Variants in TCOF1 observed in about 807,000 individuals in gnomAD.
TCOF1 encodes treacle protein.
Under a neutral mutation model 149.0 loss-of-function variants are expected in TCOF1, and 33 were observed. That is an observed-to-expected ratio of 0.22 (90% confidence interval 0.17 to 0.30). The LOEUF (loss-of-function observed/expected upper bound fraction) is 0.30. TCOF1 is among the 10% of genes least tolerant of loss of function. The pLI is 1.00. For missense variants in TCOF1, 1,728 were observed against 1,840.7 expected (o/e 0.94, Z 1.12); for synonymous variants, 789 against 738.8 (o/e 1.07, Z -1.10).
At chr5:150,360,127 C>G (rs1759700560) in intron 1 of TCOF1, among the ~76,000 whole-genome samples, 2 of 152,214 alleles carry the variant, frequency 1.3e-5, no homozygotes, top group Non-Finnish European at 2.9e-5. Flanking sequence ...TGGGCACTGA[C>G]AGATGGTCTT....
chr5:150,388,590 A>G (rs1766752697), intron 18 of TCOF1, among the ~76,000 whole-genome samples: 2 of 152,200 alleles, frequency 1.3e-5, no homozygotes, highest in South Asian at 2.1e-4. Context: ...TAATGTTACT[A>G]TTACAGTTAT....
intron 17 of TCOF1, among the ~76,000 whole-genome samples, chr5:150,381,582 C>T (rs774078187): frequency 4.6e-5 from 7 of 152,236 alleles, no homozygotes; most frequent in Non-Finnish European, 8.8e-5. Context: ...CGTAGGCCCT[C>T]CCAGGTGCTT....
chr5:150,381,339 C>T (rs1443775782), intron 17 of TCOF1, among the ~76,000 whole-genome samples: 1 of 152,224 alleles, frequency 6.6e-6, no homozygotes, highest in Non-Finnish European at 1.5e-5. Context: ...GACATTGGCC[C>T]CACCCTCAAG....
At position 150,388,013 on chromosome 5, in the gene TCOF1, G is replaced by A; in HGVS notation, c.2971G>A (p.Glu991Lys). Residue 991 changes from glutamate (E) to lysine (K), a missense_variant, in exon 18 of 27, where the codon GAG becomes AAG. By Grantham distance (56) the Glu-to-Lys change is moderately conservative (BLOSUM62 1). Transcript: ENST00000643257. Reference sequence around the variant, plus strand: ...CACCCCGAGGAAGGCCCGAGCCTCGGAGAGCACAGCCAGGAGCTCCTCCTC... The same window carrying A: ...CACCCCGAGGAAGGCCCGAGCCTCGAAGAGCACAGCCAGGAGCTCCTCCTC... Reference protein sequence around the residue: ...ASTPRKARASESTARSSSSES... With the variant: ...ASTPRKARASKSTARSSSSES... 6.2e-7 allele frequency: 1 copy of A among 1,613,864 alleles called. No homozygotes were observed. The highest frequency in any genetic ancestry group is 1.3e-5 in the African/African-American group (1 of 75,042).
chr5:150,380,978 C>G lies in TCOF1; in HGVS notation c.2859+1246C>G, dbSNP rs1384761370. The G allele has an allele frequency of 3.3e-5, 5 of 152,306 alleles. No individual in the cohort carries two copies. The South Asian group carries it at 8.3e-4, about 25-fold the overall frequency. The allele number at this position is 152,306 out of a possible 1,614,324, so 9.4% of individuals were successfully genotyped here. A position where few individuals can be genotyped will look rare whatever the true frequency, so the allele number is the denominator to read the frequency against. On this transcript the variant is annotated intron_variant, in intron 17 of 26. Transcript: ENST00000643257. ...GAGCCAAGATCATGCCATTGCTTTGCACTCCAGTCTGGGCAACAGAGTGAG... is the reference window on the plus strand; with the variant it reads ...GAGCCAAGATCATGCCATTGCTTTGGACTCCAGTCTGGGCAACAGAGTGAG...
At chr5:150,397,559 G>A (rs1350166704) in intron 24 of TCOF1, among the ~76,000 whole-genome samples, 1 of 152,182 alleles carries the variant, frequency 6.6e-6, no homozygotes, top group Non-Finnish European at 1.5e-5. Context: ...TAGAGATGCT[G>A]TTCAGGGCCA....
intron 17 of TCOF1, chr5:150,383,197 A>G (rs1458333915): frequency 2.1e-5 from 32 of 1,521,596 alleles, no homozygotes; most frequent in Non-Finnish European, 2.7e-5. Context: ...CTCTCTGCAG[A>G]TGCTGCAGGA....
intron 3 of TCOF1, 164 bp from the exon 4 acceptor site, chr5:150,367,680 G>C (rs1157710258): frequency 1.4e-6 from 1 of 727,068 alleles, no homozygotes; most frequent in Non-Finnish European, 2.4e-6. Context: ...CCTGGCTGAT[G>C]CATCACAGAG....
intron 5 of TCOF1, 144 bp downstream of exon 5, chr5:150,369,046 C>G: frequency 9.0e-7 from 1 of 1,109,738 alleles, no homozygotes. Flanking sequence ...TAGGACTTTT[C>G]TCATCACCTA....
chr5:150,367,977 A>G, intron 4 of TCOF1, 60 bp downstream of exon 4: 2 of 1,579,270 alleles, frequency 1.3e-6, no homozygotes, highest in Middle Eastern at 1.7e-4. Flanking sequence ...GGTAGGGGAC[A>G]GTCTTACATG....
rs1766621344 is a variant in TCOF1 at position 150,387,986 on chromosome 5, A to G, written c.2944A>G (p.Ser982Gly). 2.5e-6 allele frequency: 4 copies of G among 1,613,908 alleles called. No homozygotes were observed. The highest frequency in any genetic ancestry group is 3.4e-6 in the Non-Finnish European group (4 of 1,180,004). The change falls in exon 18 of 27, where the codon AGC (serine) becomes GGC (glycine). Residue 982 changes from serine (S) to glycine (G), a missense_variant. Transcript: ENST00000643257. ...TACACCCGCACAAGCCCAGGCTGCAAGCACCCCGAGGAAGGCCCGAGCCTC... is the reference window on the plus strand; with the variant it reads ...TACACCCGCACAAGCCCAGGCTGCAGGCACCCCGAGGAAGGCCCGAGCCTC... ...AATPAQAQAA[S>G]TPRKARASES...
chr5:150,368,328 A>G, intron 4 of TCOF1: 1 of 353,806 alleles, frequency 2.8e-6, no homozygotes. Context: ...AAACTGCTCA[A>G]AAAACAAGGT....
chr5:150,369,689 C>T, intron 6 of TCOF1, 87 bp downstream of exon 6: 1 of 1,443,422 alleles, frequency 6.9e-7, no homozygotes, highest in Non-Finnish European at 9.6e-7. Flanking sequence ...ACCAGTGGGC[C>T]CAGATGAGTT....
In TCOF1 at chr5:150,378,927, C is replaced by T. The variant is rs1764402694; in HGVS notation, c.2363C>T (p.Thr788Ile). 1 of 1,614,118 alleles carries T rather than the reference C, an allele frequency of 6.2e-7. No homozygotes were observed. The highest frequency in any genetic ancestry group is 8.5e-7 in the Non-Finnish European group (1 of 1,180,020). The stretch of plus-strand genomic sequence containing the variant: ...CAGGTGAAAACCTCAGTAAAGAAAA[C>T]CCAGGCCAAAGCCAACCCAGCTGCC... ...PAQVKTSVKK[T>I]QAKANPAAAR... The change falls in exon 15 of 27, where the codon ACC (threonine) becomes ATC (isoleucine). Residue 788 changes from threonine (T) to isoleucine (I), a missense_variant. Physicochemically the swap from Thr to Ile is moderately conservative, Grantham distance 89 (BLOSUM62 -1). Around this residue, in one of 2 missense-constraint regions of TCOF1, gnomAD observed 1,696 missense variants for 1,765.4 expected, o/e 0.96. Transcript: ENST00000643257.
In TCOF1 at chr5:150,399,144, C is replaced by T. The variant is rs181665953; in HGVS notation, c.*22+74C>T. 1.0e-5 allele frequency: 16 copies of T among 1,598,902 alleles called. No individual in the cohort carries two copies. The Admixed American group carries it at 2.7e-4, about 27-fold the overall frequency. ...GGTGTCCCCTGTGGTCCCAGAGAGCCAGGCAGACCTGATAGGTGGGCTCTA... is the reference window on the plus strand; with the variant it reads ...GGTGTCCCCTGTGGTCCCAGAGAGCTAGGCAGACCTGATAGGTGGGCTCTA... On this transcript the variant is annotated intron_variant, in intron 26 of 26. Coordinates refer to ENST00000643257, the MANE Select transcript of TCOF1 (RefSeq NM_001371623.1).
intron 23 of TCOF1, 98 bp downstream of exon 23, chr5:150,393,650 TC>T: frequency 6.7e-7 from 1 of 1,503,652 alleles, no homozygotes; most frequent in Non-Finnish European, 9.1e-7. Flanking sequence ...CCCAACATGG[TC>T]CTGTCTGCCC....
chr5:150,396,404 C>G lies in TCOF1; in HGVS notation c.3907C>G (p.Gln1303Glu). 1 of 1,614,030 alleles carries G rather than the reference C, an allele frequency of 6.2e-7. No individual in the cohort carries two copies. Among genetic ancestry groups the G allele is most frequent in the Non-Finnish European group, 8.5e-7 (1 of 1,180,040 alleles). ...QSNITQCLLG[Q>E]PWPLNEAQVQ... Reference sequence around the variant, plus strand: ...CAACATCACCCAGTGCCTCCTGGGCCAACCCTGGCCCCTGAATGAGGCCCA... The same window carrying G: ...CAACATCACCCAGTGCCTCCTGGGCGAACCCTGGCCCCTGAATGAGGCCCA... The change falls in exon 24 of 27, where the codon CAA (glutamine) becomes GAA (glutamate). Residue 1303 changes from glutamine to glutamate, a missense_variant. Physicochemically the swap from Gln to Glu is conservative, Grantham distance 29 (BLOSUM62 2). Around this residue, in one of 2 missense-constraint regions of TCOF1, gnomAD observed 1,696 missense variants for 1,765.4 expected, o/e 0.96. Coordinates refer to ENST00000643257, the MANE Select transcript of TCOF1 (RefSeq NM_001371623.1).
At chr5:150,372,367 A>C in intron 7 of TCOF1, 131 bp downstream of exon 7, 1 of 780,962 alleles carries the variant, frequency 1.3e-6, no homozygotes, top group Non-Finnish European at 2.0e-6. Context: ...GAAGAGCAAG[A>C]ACAGCCTGCT....
intron 23 of TCOF1, chr5:150,394,761 AC>A (rs1354355195): frequency 2.6e-5 from 4 of 152,380 alleles, no homozygotes; most frequent in African/African-American, 7.2e-5. Context: ...TACTAAAAAT[AC>A]AAAAAACTAG....
Sources: gnomAD v4.1 joint callset for allele counts (sites outside exome capture counted in the v4.1 genomes callset) on GRCh38, gnomAD v4.1.1 for gene constraint, gnomAD v4.1.1 regional missense constraint, MANE v1.5 for transcripts, NCBI Gene and HGNC (gene_info 2026-07-23, HGNC 2026-07-21) for gene names.